GRAMD1C: variants seen among roughly 807,000 people sequenced by gnomAD.
GRAMD1C encodes the protein protein Aster-C.
Under a neutral mutation model 97.8 loss-of-function variants are expected in GRAMD1C, and 89 were observed. The observed-to-expected ratio is 0.91, with a 90% CI of 0.77 to 1.09. The LOEUF (loss-of-function observed/expected upper bound fraction) is 1.09, where lower values mean the gene tolerates loss of function less well. Ranked by LOEUF, GRAMD1C falls within the 50% of genes least tolerant of loss-of-function variation. The pLI, the probability that GRAMD1C is intolerant of heterozygous loss-of-function variation, is 0.00. For synonymous variants in GRAMD1C, 256 were observed against 267.0 expected (o/e 0.96, Z 0.40); for missense variants, 740 against 766.4 (o/e 0.97, Z 0.41).
intron 2 of GRAMD1C, among the ~76,000 whole-genome samples, chr3:113,848,455 C>T (rs1413543008): frequency 6.6e-6 from 1 of 151,380 alleles, no homozygotes; most frequent in Non-Finnish European, 1.5e-5. Flanking sequence ...TTTTTTATTT[C>T]AATTCTATAG....
intron 1 of GRAMD1C, among the ~76,000 whole-genome samples, chr3:113,829,239 T>A (rs988535845): frequency 6.6e-6 from 1 of 152,140 alleles, no homozygotes; most frequent in South Asian, 2.1e-4. Context: ...CTGGGCAACA[T>A]AGGGAGGCCC....
chr3:113,933,387 T>C, intron 11 of GRAMD1C, 124 bp from the exon 12 acceptor site: 1 of 660,786 alleles, frequency 1.5e-6, no homozygotes, highest in Non-Finnish European at 2.6e-6. Context: ...TTTAGCTTTG[T>C]ATATAGGTTT....
chr3:113,831,553 G>A (rs1188448219), intron 1 of GRAMD1C, among the ~76,000 whole-genome samples: 1 of 151,792 alleles, frequency 6.6e-6, no homozygotes, highest in African/African-American at 2.4e-5. Flanking sequence ...TTCCCATTTT[G>A]TATATGTTGG....
chr3:113,865,744 C>A (rs149387412), intron 2 of GRAMD1C, among the ~76,000 whole-genome samples: 4 of 152,002 alleles, frequency 2.6e-5, no homozygotes, highest in African/African-American at 9.7e-5. Flanking sequence ...AGTCTCTTAT[C>A]CTTTCTTCTC....
rs1192243087 is a variant in GRAMD1C at position 113,876,150 on chromosome 3, T to G, written c.364-15T>G. On this transcript the variant is annotated splice_polypyrimidine_tract_variant and intron_variant, in intron 4 of 17. Coordinates refer to ENST00000358160, the MANE Select transcript of GRAMD1C (RefSeq NM_017577.5). ...TTTCTGAAAAATACATTAAAAAAAT[T>G]TTTTGTGTGTTTAGATTTCTATTGC... 7.6e-7 allele frequency: 1 copy of G among 1,316,188 alleles called. No individual in the cohort carries two copies. Among genetic ancestry groups the G allele is most frequent in the Non-Finnish European group, 1.1e-6 (1 of 920,126 alleles). The allele number at this position is 1,316,188 out of a possible 1,614,324, so 81.5% of individuals were successfully genotyped here.
Position 113,915,724 on chromosome 3 carries a change from C to CCATGA in GRAMD1C, c.976_977insCATGA (p.His326ProfsTer2). The stretch of plus-strand genomic sequence containing the variant: ...AGAAAATGTTCCTGAGAAAGATCTT[C>CCATGA]ATGGAAGACTTTTTATCAACCGTAT... On this transcript the variant is annotated stop_gained and frameshift_variant, in exon 10 of 18. Coordinates refer to ENST00000358160, the MANE Select transcript of GRAMD1C (RefSeq NM_017577.5). LOFTEE classifies it high-confidence loss of function. 6.2e-7 allele frequency: 1 copy of CCATGA among 1,609,056 alleles called. No individual in the cohort carries two copies. The highest frequency in any genetic ancestry group is 8.5e-7 in the Non-Finnish European group (1 of 1,176,614).
intron 6 of GRAMD1C, among the ~76,000 whole-genome samples, chr3:113,887,087 TTTTTTTTTG>T (rs1935527417): frequency 1.0e-5 from 1 of 95,818 alleles, no homozygotes. Flanking sequence ...GCCTTTTTGT[TTTTTTTTTG>T]TTTTTTTTTT....
In GRAMD1C at chr3:113,857,174, A is replaced by AC. The variant is rs1311997328; in HGVS notation, c.175-12333_175-12332insC. Among the ~76,000 whole-genome samples the AC allele has an allele frequency of 5.6e-5, 7 of 123,902 alleles. No individual in the cohort carries two copies. The South Asian group carries it at 7.3e-4, about 13-fold the overall frequency. 81.3% of individuals were successfully genotyped at this position (123,902 alleles called of 152,430 possible). On this transcript the variant is annotated intron_variant, in intron 2 of 17. Transcript: ENST00000358160. ...TTTATTTCCTTAAAAAAAACAAACA[A>AC]ACAAAAAAATAAAACCCCAAAAACT...
upstream of GRAMD1C, among the ~76,000 whole-genome samples, chr3:113,836,461 C>G (rs1380815124): frequency 6.6e-6 from 1 of 151,686 alleles, no homozygotes; most frequent in African/African-American, 2.4e-5. Flanking sequence ...TTTGTTTTCT[C>G]TGTGTATTCA....
intron 3 of GRAMD1C, among the ~76,000 whole-genome samples, chr3:113,871,484 G>A (rs147393258): frequency 3.3e-5 from 5 of 152,156 alleles, no homozygotes; most frequent in Non-Finnish European, 5.9e-5. Context: ...CCTGGACAAC[G>A]TAGTGAGACC....
chr3:113,942,860 G>T (rs1243866159), intron 17 of GRAMD1C, among the ~76,000 whole-genome samples: 3 of 152,100 alleles, frequency 2.0e-5, no homozygotes, highest in Non-Finnish European at 4.4e-5. Flanking sequence ...AGAGCTTCCT[G>T]GTCATTAACA....
At chr3:113,913,152 G>T (rs879901607) in intron 9 of GRAMD1C, 1 of 1,232,248 alleles carries the variant, frequency 8.1e-7, no homozygotes, top group Non-Finnish European at 1.1e-6. Flanking sequence ...GCCCCCAGTG[G>T]CCAAATAGGT....
intron 1 of GRAMD1C, among the ~76,000 whole-genome samples, chr3:113,828,756 G>T (rs1445487131): frequency 1.3e-5 from 2 of 152,036 alleles, no homozygotes; most frequent in Non-Finnish European, 2.9e-5. Flanking sequence ...TAGCCACTAA[G>T]GTTATACTTT....
At chr3:113,850,477 G>A in intron 2 of GRAMD1C, 1 of 1,490,088 alleles carries the variant, frequency 6.7e-7, no homozygotes, top group Non-Finnish European at 9.3e-7. Flanking sequence ...AGTCTCCGGG[G>A]CAGATGAAGA....
At chr3:113,840,889 T>G (rs1393058605) in intron 1 of GRAMD1C, among the ~76,000 whole-genome samples, 1 of 152,206 alleles carries the variant, frequency 6.6e-6, no homozygotes, top group Non-Finnish European at 1.5e-5. Context: ...GTTATACTTG[T>G]GCTCCTGGAG....
chr3:113,841,285 C>CTTTTTTTTTTTTTTT lies in GRAMD1C; in HGVS notation c.27+2351_27+2365dup, dbSNP rs772233296. On this transcript the variant is annotated intron_variant, in intron 1 of 17. Coordinates refer to ENST00000358160, the MANE Select transcript of GRAMD1C (RefSeq NM_017577.5). The stretch of plus-strand genomic sequence containing the variant: ...TCACAAAGTACTTCTTTCTTTCTTT[C>CTTTTTTTTTTTTTTT]TTTTTTTTTTTTTTTTGCGAGACAG... Among the ~76,000 whole-genome samples the CTTTTTTTTTTTTTTT allele has an allele frequency of 3.4e-3, 319 of 94,302 alleles. 10 individuals are homozygous for CTTTTTTTTTTTTTTT. The highest frequency in any genetic ancestry group is 9.1e-3 in the Middle Eastern group (1 of 110). 61.9% of individuals were successfully genotyped at this position (94,302 alleles called of 152,430 possible).
chr3:113,850,774 A>G, intron 2 of GRAMD1C: 2 of 923,158 alleles, frequency 2.2e-6, no homozygotes, highest in Non-Finnish European at 3.0e-6. Flanking sequence ...GAAAGGATAT[A>G]CTTAATTTTT....
At chr3:113,935,502 A>G (rs556200394) in intron 13 of GRAMD1C, among the ~76,000 whole-genome samples, 1 of 148,068 alleles carries the variant, frequency 6.8e-6, no homozygotes, top group African/African-American at 2.6e-5. Flanking sequence ...ATATATATAT[A>G]CACACACACA....
Position 113,919,875 on chromosome 3 carries a change from T to C in GRAMD1C, c.1090+4037T>C, listed in dbSNP as rs575156115. 7.4e-5 allele frequency: 48 copies of C among 652,286 alleles called. No individual in the cohort carries two copies. In the African/African-American group the frequency reaches 8.1e-4, roughly 11 times the overall value. The allele number at this position is 652,286 out of a possible 1,614,324, so 40.4% of individuals were successfully genotyped here. On this transcript the variant is annotated intron_variant, in intron 10 of 17. Transcript: ENST00000358160. The stretch of plus-strand genomic sequence containing the variant: ...CTGATCAAAAAAGAGATCACAGGAA[T>C]TGGACCCAGTACCACAGCAGAAACA...
Sources: allele counts gnomAD v4.1 joint callset (sites outside exome capture counted in the v4.1 genomes callset), GRCh38; gene constraint gnomAD v4.1.1; transcripts MANE v1.5; gene names NCBI Gene and HGNC (gene_info 2026-07-23, HGNC 2026-07-21).